Variants in NUP155 observed in about 807,000 individuals in gnomAD.
NUP155 encodes nucleoporin 155.
A neutral mutation model predicts 180.4 loss-of-function variants in NUP155; 71 were observed. That is an observed-to-expected ratio of 0.39 (90% CI 0.33 to 0.48). The LOEUF (loss-of-function observed/expected upper bound fraction) is 0.48, where lower values mean the gene tolerates loss of function less well. Among genes scored for constraint, NUP155 ranks in the 20% least tolerant of loss-of-function variants. The pLI is 0.91. For missense variants in NUP155, 1,553 were observed against 1,648.9 expected (o/e 0.94, Z 1.01); for synonymous variants, 582 against 559.5 (o/e 1.04, Z -0.57).
At chr5:37,305,258 A>T in intron 25 of NUP155, 48 bp from the exon 26 acceptor site, 1 of 1,533,164 alleles carries the variant, frequency 6.5e-7, no homozygotes. Context: ...ACTAGAAAGC[A>T]AATGATGGTA....
At chr5:37,358,886 G>A (rs998340183) in intron 3 of NUP155, among the ~76,000 whole-genome samples, 7 of 152,144 alleles carry the variant, frequency 4.6e-5, no homozygotes, top group African/African-American at 1.2e-4. Context: ...GCATGGTGGC[G>A]CACGCCTGTG....
intron 20 of NUP155, among the ~76,000 whole-genome samples, chr5:37,323,169 A>C (rs1040583096): frequency 6.7e-6 from 1 of 149,190 alleles, no homozygotes; most frequent in South Asian, 2.1e-4. Context: ...TCTGTAATCT[A>C]AGCTACTTGG....
intron 12 of NUP155, among the ~76,000 whole-genome samples, 182 bp from the exon 13 acceptor site, chr5:37,333,815 T>C (rs573805929): frequency 1.1e-3 from 165 of 152,118 alleles, no homozygotes; most frequent in African/African-American, 3.9e-3. Flanking sequence ...GGTTTTTGTT[T>C]TTTGTTTTTT....
chr5:37,304,651 T>C (rs1743053679), intron 27 of NUP155, 88 bp downstream of exon 27: 2 of 964,466 alleles, frequency 2.1e-6, no homozygotes, highest in Non-Finnish European at 1.6e-6. Context: ...GATGAGAAAC[T>C]GAATTTTTTA....
intron 20 of NUP155, among the ~76,000 whole-genome samples, chr5:37,321,791 G>A (rs1343065349): frequency 3.3e-5 from 5 of 152,070 alleles, no homozygotes; most frequent in African/African-American, 9.7e-5. Flanking sequence ...ATATAAAAGT[G>A]TACTTACTTA....
At chr5:37,355,452 G>A (rs998722263) in intron 4 of NUP155, among the ~76,000 whole-genome samples, 31 of 151,668 alleles carry the variant, frequency 2.0e-4, no homozygotes, top group African/African-American at 7.5e-4. Context: ...AGGTTGTAGT[G>A]AGCACCAAGG....
intron 1 of NUP155, among the ~76,000 whole-genome samples, chr5:37,368,211 T>A (rs1430047407): frequency 1.2e-4 from 2 of 16,634 alleles, no homozygotes; most frequent in East Asian, 0.05. Flanking sequence ...CGCCAGGCCT[T>A]TTTTTTTTTT....
intron 15 of NUP155, 40 bp downstream of exon 15, chr5:37,329,998 T>TA (rs1225136945): frequency 2.8e-6 from 4 of 1,424,802 alleles, no homozygotes; most frequent in African/African-American, 2.8e-5. Context: ...AGTGGCCCAG[T>TA]AAAAAAACAA....
At chr5:37,336,620 A>G (rs1745344085) in intron 12 of NUP155, among the ~76,000 whole-genome samples, 1 of 152,096 alleles carries the variant, frequency 6.6e-6, no homozygotes, top group African/African-American at 2.4e-5. Flanking sequence ...CTCCCCCAAC[A>G]CAGCATCCCA....
At chr5:37,313,796 C>A (rs1381206151) in intron 22 of NUP155, among the ~76,000 whole-genome samples, 2 of 152,090 alleles carry the variant, frequency 1.3e-5, no homozygotes, top group African/African-American at 4.8e-5. Context: ...AGGCATGGTG[C>A]CCAGTCAAGA....
chr5:37,346,033 T>A (rs1197243142), intron 9 of NUP155, among the ~76,000 whole-genome samples: 5 of 152,130 alleles, frequency 3.3e-5, no homozygotes, highest in Non-Finnish European at 7.3e-5. Flanking sequence ...TTTTCAATTG[T>A]GTCTGCCTTC....
intron 29 of NUP155, 55 bp from the exon 30 acceptor site, chr5:37,301,605 G>A (rs1002522608): frequency 1.2e-4 from 127 of 1,080,494 alleles, no homozygotes; most frequent in Non-Finnish European, 1.5e-4. Context: ...ATCAACATAC[G>A]TTTGAAAGAA....
chr5:37,335,867 C>A (rs1052733561), intron 12 of NUP155, among the ~76,000 whole-genome samples: 2 of 151,914 alleles, frequency 1.3e-5, no homozygotes, highest in African/African-American at 4.8e-5. Context: ...GTGGCGGGTG[C>A]TGAGGTAGGA....
At chr5:37,365,501 T>C (rs1204508449) in intron 1 of NUP155, among the ~76,000 whole-genome samples, 1 of 148,950 alleles carries the variant, frequency 6.7e-6, no homozygotes, top group African/African-American at 2.5e-5. Context: ...AGGTCAGGAG[T>C]TCAAGACCAG....
At chr5:37,296,557 A>AAGGCCGCAAG (rs59914781) in intron 32 of NUP155, among the ~76,000 whole-genome samples, 6 of 149,906 alleles carry the variant, frequency 4.0e-5, no homozygotes, top group Admixed American at 4.0e-4. Flanking sequence ...TGCGGAAGGC[A>AAGGCCGCAAG]GCCGCAGGGT....
chr5:37,364,985 T>C (rs2111730665), intron 1 of NUP155, among the ~76,000 whole-genome samples: 1 of 151,772 alleles, frequency 6.6e-6, no homozygotes, highest in South Asian at 2.1e-4. Flanking sequence ...TAAAAGTGGC[T>C]GGGCGCAGTG....
At chr5:37,293,892 G>A (rs892486451) in intron 33 of NUP155, among the ~76,000 whole-genome samples, 4 of 110,392 alleles carry the variant, frequency 3.6e-5, no homozygotes, top group African/African-American at 7.8e-5. Context: ...CCAGCTACTG[G>A]GGAGGCTGAG....
chr5:37,306,925 C>T lies in NUP155; in HGVS notation c.2903+372G>A, dbSNP rs191810896. ...GACCTTTACACAAAGAGGCCAGACACGGTGGCTGATGGCTATAATCCTAGC... is the reference window on the plus strand; with the variant it reads ...GACCTTTACACAAAGAGGCCAGACATGGTGGCTGATGGCTATAATCCTAGC... On this transcript the variant is annotated intron_variant, in intron 25 of 34. Transcript: ENST00000231498. Among the ~76,000 whole-genome samples the T allele has an allele frequency of 7.0e-3, 1,057 of 151,982 alleles. 10 individuals are homozygous for T. Among genetic ancestry groups the T allele is most frequent in the African/African-American group, 0.024 (991 of 41,476 alleles).
At chr5:37,325,009 GGCATGGTGGCGC>G (rs1744494862) in intron 19 of NUP155, among the ~76,000 whole-genome samples, 1 of 152,092 alleles carries the variant, frequency 6.6e-6, no homozygotes, top group African/African-American at 2.4e-5. Flanking sequence ...AAATCAGCTG[GGCATGGTGGCGC>G]GCACCTGTAA....
Sources: allele counts gnomAD v4.1 joint callset (sites outside exome capture counted in the v4.1 genomes callset), GRCh38; gene constraint gnomAD v4.1.1; transcripts MANE v1.5; gene names NCBI Gene and HGNC (gene_info 2026-07-23, HGNC 2026-07-21).